The following USP48 variants were observed in gnomAD, a reference collection of about 807,000 sequenced individuals.
The protein encoded by USP48 is ubiquitin carboxyl-terminal hydrolase 48.
In USP48, 43 loss-of-function variants were observed where a neutral mutation model predicts 150.7. That is an observed-to-expected ratio of 0.29 (90% CI 0.22 to 0.37). USP48 has a LOEUF of 0.37. USP48 is among the 10% of genes least tolerant of loss of function. USP48 has a pLI of 1.00. For missense variants in USP48, 813 were observed against 1,249.6 expected (o/e 0.65, Z 5.27); for synonymous variants, 396 against 425.9 (o/e 0.93, Z 0.86).
At chr1:21,730,016 C>A (rs1412208948) in intron 9 of USP48, among the ~76,000 whole-genome samples, 184 bp from the exon 10 acceptor site, 1 of 152,128 alleles carries the variant, frequency 6.6e-6, no homozygotes, top group African/African-American at 2.4e-5. Flanking sequence ...AAGTTTACTA[C>A]CACTATTGCC....
intron 14 of USP48, among the ~76,000 whole-genome samples, chr1:21,716,610 T>C (rs931761677): frequency 7.9e-5 from 12 of 152,268 alleles, no homozygotes; most frequent in African/African-American, 2.9e-4. Flanking sequence ...AACTTTGCTT[T>C]TGCTGTTAAC....
chr1:21,728,821 C>A, intron 10 of USP48, 102 bp from the exon 11 acceptor site: 1 of 1,378,906 alleles, frequency 7.3e-7, no homozygotes, highest in Non-Finnish European at 9.7e-7. Flanking sequence ...AAAACATTGG[C>A]AGAAATTCCA....
intron 22 of USP48, among the ~76,000 whole-genome samples, chr1:21,700,854 A>G (rs533817043): frequency 6.6e-6 from 1 of 152,018 alleles, no homozygotes; most frequent in Non-Finnish European, 1.5e-5. Context: ...CGGGAGGATC[A>G]TGACATCAGG....
intron 2 of USP48, chr1:21,756,912 G>A (rs1253949107): frequency 1.0e-5 from 10 of 985,276 alleles, no homozygotes; most frequent in Non-Finnish European, 7.2e-6. Flanking sequence ...AAAAGACTTC[G>A]GACGGCATCA....
chr1:21,719,703 T>C (rs2097714590), intron 14 of USP48, among the ~76,000 whole-genome samples: 3 of 151,934 alleles, frequency 2.0e-5, no homozygotes, highest in Admixed American at 2.0e-4. Flanking sequence ...CCCTGTCTCT[T>C]CTAAACATAC....
At position 21,783,140 on chromosome 1, in the gene USP48, G is replaced by T; in HGVS notation, c.-183C>A. The T allele has an allele frequency of 5.3e-6, 5 of 950,766 alleles. No homozygotes were observed. The South Asian group carries it at 1.3e-4, about 26-fold the overall frequency. 58.9% of individuals were successfully genotyped at this position (950,766 alleles called of 1,614,324 possible). On this transcript the variant is annotated 5_prime_UTR_variant, in exon 1 of 27. Transcript: ENST00000308271. ...GCGCCCGCCCGCGCCCGACCCGCACGACCGGCCGCAAAGCGCCGCCGTCGA... is the reference window on the plus strand; with the variant it reads ...GCGCCCGCCCGCGCCCGACCCGCACTACCGGCCGCAAAGCGCCGCCGTCGA...
intron 4 of USP48, 124 bp from the exon 5 acceptor site, chr1:21,752,775 C>A: frequency 8.0e-7 from 1 of 1,246,952 alleles, no homozygotes; most frequent in Admixed American, 3.0e-5. Flanking sequence ...CAAACAGGGG[C>A]TACAGCTATG....
Position 21,763,771 on chromosome 1 carries a change from T to C in USP48, c.135-5988A>G, listed in dbSNP as rs112569664. On this transcript the variant is annotated intron_variant, in intron 1 of 26. Coordinates refer to ENST00000308271, the MANE Select transcript of USP48 (RefSeq NM_032236.8). ...CAGAGGGTGCGGTGAGCCGAGATCA[T>C]GCCATTGCACTCCAACCCTGGTAAC... Among the ~76,000 whole-genome samples the C allele has an allele frequency of 4.3e-3, 639 of 149,212 alleles. 9 individuals are homozygous for C. The highest frequency in any genetic ancestry group is 0.015 in the African/African-American group (609 of 40,742).
chr1:21,715,741 A>T (rs1270206363), intron 14 of USP48, among the ~76,000 whole-genome samples: 1 of 152,234 alleles, frequency 6.6e-6, no homozygotes, highest in African/African-American at 2.4e-5. Flanking sequence ...AATTCTAGTC[A>T]AAGTATCGAG....
At chr1:21,772,357 G>C (rs1412023552) in intron 1 of USP48, among the ~76,000 whole-genome samples, 2 of 152,098 alleles carry the variant, frequency 1.3e-5, no homozygotes, top group Non-Finnish European at 2.9e-5. Context: ...GGCATGGTGG[G>C]TCATGCCTGT....
chr1:21,756,556 T>G lies in USP48; in HGVS notation c.402A>C (p.Gln134His). Residue 134 changes from glutamine (Q) to histidine (H), a missense_variant, in exon 3 of 27, where the codon CAA becomes CAC. Coordinates refer to ENST00000308271, the MANE Select transcript of USP48 (RefSeq NM_032236.8). ...CSDYMLGDGI[Q>H]EEKDYEPQTI... ...CCCCTTTCCACCCACCTTTTTCTTC[T>G]TGGATGCCGTCTCCCAGCATGTAGT... The G allele has an allele frequency of 6.3e-7, 1 of 1,580,090 alleles. No homozygotes were observed. The highest frequency in any genetic ancestry group is 8.6e-7 in the Non-Finnish European group (1 of 1,169,488).
At chr1:21,693,890 G>C (rs2097612447) in intron 23 of USP48, among the ~76,000 whole-genome samples, 1 of 152,188 alleles carries the variant, frequency 6.6e-6, no homozygotes, top group Admixed American at 6.5e-5. Flanking sequence ...CTGTACTTTT[G>C]CCTCAATTAC....
At chr1:21,698,771 T>C (rs1218678318) in intron 22 of USP48, among the ~76,000 whole-genome samples, 1 of 152,000 alleles carries the variant, frequency 6.6e-6, no homozygotes, top group Non-Finnish European at 1.5e-5. Context: ...GGCGGGCGCC[T>C]GTAGTCCCCG....
chr1:21,751,244 C>CCACT (rs765407330), intron 6 of USP48, among the ~76,000 whole-genome samples: 3 of 152,124 alleles, frequency 2.0e-5, no homozygotes, highest in Non-Finnish European at 2.9e-5. Flanking sequence ...TTTCAATACC[C>CCACT]CACTACCCAC....
intron 1 of USP48, among the ~76,000 whole-genome samples, chr1:21,767,305 T>C (rs1161618369): frequency 2.6e-5 from 4 of 152,218 alleles, no homozygotes; most frequent in Middle Eastern, 3.4e-3. Context: ...TGAGCCACTG[T>C]GCCTGGGACC....
At chr1:21,715,293 TA>T in intron 15 of USP48, 95 bp downstream of exon 15, 1 of 909,458 alleles carries the variant, frequency 1.1e-6, no homozygotes, top group Non-Finnish European at 1.7e-6. Context: ...TTTTCCCAGG[TA>T]AGATGTGAGA....
intron 6 of USP48, among the ~76,000 whole-genome samples, chr1:21,750,224 C>T (rs985125422): frequency 2.0e-5 from 3 of 152,146 alleles, no homozygotes; most frequent in African/African-American, 7.2e-5. Flanking sequence ...CCACACTAAC[C>T]GCCCCCCACC....
intron 18 of USP48, 93 bp downstream of exon 18, chr1:21,706,033 G>C: frequency 7.4e-7 from 1 of 1,349,724 alleles, no homozygotes; most frequent in Non-Finnish European, 1.0e-6. Flanking sequence ...CATGAAGGAA[G>C]GGTACAACAA....
chr1:21,730,785 A>G (rs2097754823), intron 9 of USP48, among the ~76,000 whole-genome samples: 1 of 149,094 alleles, frequency 6.7e-6, no homozygotes, highest in South Asian at 2.1e-4. Context: ...TTTTTTTGAG[A>G]CAGTCTTGCT....
Sources: gnomAD v4.1 joint callset for allele counts (sites outside exome capture counted in the v4.1 genomes callset) on GRCh38, gnomAD v4.1.1 for gene constraint, MANE v1.5 for transcripts, NCBI Gene and HGNC (gene_info 2026-07-23, HGNC 2026-07-21) for gene names.